The following ZCWPW2 variants were observed in gnomAD, a reference collection of about 807,000 sequenced individuals.
The protein encoded by ZCWPW2 is zinc finger CW-type PWWP domain protein 2.
A neutral mutation model predicts 46.6 loss-of-function variants in ZCWPW2; 45 were observed. The observed-to-expected ratio is 0.96, with a 90% CI of 0.76 to 1.24. The LOEUF (loss-of-function observed/expected upper bound fraction) is 1.24, where lower values mean the gene tolerates loss of function less well. Ranked by LOEUF, ZCWPW2 falls within the 50% of genes most tolerant of loss-of-function variation. The pLI, the probability that ZCWPW2 is intolerant of heterozygous loss-of-function variation, is 0.00. For missense variants in ZCWPW2, 429 were observed against 403.9 expected (o/e 1.06, Z -0.53); for synonymous variants, 152 against 137.1 (o/e 1.11, Z -0.76).
intron 4 of ZCWPW2, among the ~76,000 whole-genome samples, chr3:28,454,973 T>C (rs778254035): frequency 1.1e-4 from 17 of 152,004 alleles, no homozygotes; most frequent in Non-Finnish European, 1.9e-4. Flanking sequence ...TATAATAGAG[T>C]GTTTTTATTC....
intron 3 of ZCWPW2, among the ~76,000 whole-genome samples, chr3:28,432,606 T>C (rs1212268213): frequency 6.6e-6 from 1 of 152,198 alleles, no homozygotes; most frequent in African/African-American, 2.4e-5. Flanking sequence ...TAACACTTAG[T>C]TGATATATAA....
Position 28,463,537 on chromosome 3 carries a change from A to C in ZCWPW2, c.493-15277A>C, listed in dbSNP as rs78038679. Among the ~76,000 whole-genome samples, 267 of 152,284 alleles carry C rather than the reference A, an allele frequency of 1.8e-3. 1 individual carries two copies. The highest frequency in any genetic ancestry group is 0.015 in the East Asian group (78 of 5,176). ...TAATAGATATACTCAGATTTTAGTGAAAGTCTTTAGAACCTCAAGCTAAGT... is the reference window on the plus strand; with the variant it reads ...TAATAGATATACTCAGATTTTAGTGCAAGTCTTTAGAACCTCAAGCTAAGT... On this transcript the variant is annotated intron_variant, in intron 4 of 9. Transcript: ENST00000383768.
At position 28,400,339 on chromosome 3, in the gene ZCWPW2, G is replaced by A. The variant is rs561676994; in HGVS notation, c.-14+9722G>A. ...TAATTGGTGTTCCTAAGGAAGAAGA[G>A]AAATTTAAAAGTTTGGAAAACATAT... On this transcript the variant is annotated intron_variant, in intron 2 of 9. Transcript: ENST00000383768. Among the ~76,000 whole-genome samples, 7 of 152,242 alleles carry A rather than the reference G, an allele frequency of 4.6e-5. No individual in the cohort carries two copies. In the East Asian group the frequency reaches 1.4e-3, roughly 29 times the overall value.
intron 3 of ZCWPW2, among the ~76,000 whole-genome samples, chr3:28,433,704 C>T (rs998609848): frequency 3.3e-5 from 5 of 149,718 alleles, no homozygotes; most frequent in African/African-American, 9.8e-5. Flanking sequence ...TGCGGTGAGC[C>T]GAGATCACAC....
chr3:28,372,887 G>T (rs1705379832), intron 1 of ZCWPW2, among the ~76,000 whole-genome samples: 1 of 152,056 alleles, frequency 6.6e-6, no homozygotes. Context: ...TTGATTTTCT[G>T]TTTCAATTAT....
At chr3:28,433,324 C>T (rs149292235) in intron 3 of ZCWPW2, among the ~76,000 whole-genome samples, 8 of 152,192 alleles carry the variant, frequency 5.3e-5, no homozygotes, top group Admixed American at 2.0e-4. Context: ...GTACTGATCC[C>T]GCTTCTGAGC....
intron 6 of ZCWPW2, 114 bp from the exon 7 acceptor site, chr3:28,513,950 A>G: frequency 3.3e-6 from 2 of 598,782 alleles, no homozygotes; most frequent in Non-Finnish European, 4.9e-6. Context: ...GTTTAGGGTT[A>G]TCAGCCGGGG....
At chr3:28,440,657 C>T (rs553908417) in intron 4 of ZCWPW2, among the ~76,000 whole-genome samples, 2 of 152,258 alleles carry the variant, frequency 1.3e-5, no homozygotes, top group African/African-American at 4.8e-5. Flanking sequence ...CATGGTATGA[C>T]CAGTGAATTT....
intron 6 of ZCWPW2, among the ~76,000 whole-genome samples, chr3:28,509,769 T>C (rs1169915666): frequency 6.6e-6 from 1 of 152,222 alleles, no homozygotes; most frequent in Non-Finnish European, 1.5e-5. Flanking sequence ...TCTCATTATG[T>C]AGATTTTTTC....
At chr3:28,431,830 A>T (rs1306901556) in intron 3 of ZCWPW2, among the ~76,000 whole-genome samples, 1 of 152,120 alleles carries the variant, frequency 6.6e-6, no homozygotes, top group Admixed American at 6.5e-5. Flanking sequence ...CATACTTGAG[A>T]CTGGGTAATT....
intron 4 of ZCWPW2, among the ~76,000 whole-genome samples, chr3:28,443,066 G>A (rs530220622): frequency 9.2e-5 from 14 of 152,246 alleles, no homozygotes; most frequent in Middle Eastern, 3.4e-3. Flanking sequence ...GGAAATGACC[G>A]TAGGATGAGT....
chr3:28,366,957 G>A (rs1366658427), intron 1 of ZCWPW2, among the ~76,000 whole-genome samples: 2 of 152,068 alleles, frequency 1.3e-5, no homozygotes, highest in Non-Finnish European at 2.9e-5. Flanking sequence ...TTCTCTGATG[G>A]TAGTTTGTAT....
At chr3:28,413,731 T>C (rs762905341) in intron 3 of ZCWPW2, among the ~76,000 whole-genome samples, 55 of 152,090 alleles carry the variant, frequency 3.6e-4, no homozygotes, top group Non-Finnish European at 6.9e-4. Context: ...GATTTCCTTT[T>C]TGAAATCCGT....
chr3:28,487,286 AT>A (rs1699634845), intron 5 of ZCWPW2, among the ~76,000 whole-genome samples: 1 of 151,596 alleles, frequency 6.6e-6, no homozygotes, highest in Non-Finnish European at 1.5e-5. Context: ...ATTCTGTTAT[AT>A]TATTTTTTTC....
At chr3:28,456,885 G>C (rs193061620) in intron 4 of ZCWPW2, among the ~76,000 whole-genome samples, 1 of 152,136 alleles carries the variant, frequency 6.6e-6, no homozygotes, top group African/African-American at 2.4e-5. Context: ...GTATTTTGAC[G>C]AGGATTTTTG....
At chr3:28,463,744 G>A (rs1440601789) in intron 4 of ZCWPW2, among the ~76,000 whole-genome samples, 1 of 152,018 alleles carries the variant, frequency 6.6e-6, no homozygotes, top group Non-Finnish European at 1.5e-5. Flanking sequence ...GGAAGGCTGA[G>A]GTGGGAGGAT....
At chr3:28,414,425 G>C (rs1347102683) in intron 3 of ZCWPW2, among the ~76,000 whole-genome samples, 1 of 151,652 alleles carries the variant, frequency 6.6e-6, no homozygotes, top group Non-Finnish European at 1.5e-5. Flanking sequence ...GGGGTTTGTT[G>C]TGAAGATTAT....
In ZCWPW2 at chr3:28,509,147, A is replaced by G. The variant is rs1366625224; in HGVS notation, c.658-4917A>G. 3.3e-5 allele frequency among the ~76,000 whole-genome samples: 5 copies of G among 152,060 alleles called. No individual in the cohort carries two copies. In the East Asian group the frequency reaches 5.8e-4, roughly 18 times the overall value. ...ATGCCTGGCTGTTCACTTTTCATCT[A>G]TATTGTGGCATGTGTCAGTACTTCA... On this transcript the variant is annotated intron_variant, in intron 6 of 9. Transcript: ENST00000383768.
At chr3:28,424,626 C>A (rs193168728) in intron 3 of ZCWPW2, among the ~76,000 whole-genome samples, 1 of 152,166 alleles carries the variant, frequency 6.6e-6, no homozygotes, top group East Asian at 1.9e-4. Flanking sequence ...GTTAATCCCC[C>A]ACAACTATGA....
Sources: allele counts gnomAD v4.1 joint callset (sites outside exome capture counted in the v4.1 genomes callset), GRCh38; gene constraint gnomAD v4.1.1; transcripts MANE v1.5; gene names NCBI Gene and HGNC (gene_info 2026-07-23, HGNC 2026-07-21).